Variants in SVEP1 observed in about 807,000 individuals in gnomAD.
The protein encoded by SVEP1 is sushi, von Willebrand factor type A, EGF and pentraxin domain-containing protein 1.
SVEP1 carries 164 observed loss-of-function variants against 367.3 expected under a neutral mutation model. That is an observed-to-expected ratio of 0.45 (90% CI 0.39 to 0.51). The LOEUF (loss-of-function observed/expected upper bound fraction) is 0.51. Among genes scored for constraint, SVEP1 ranks in the 20% least tolerant of loss-of-function variants. The pLI is 0.00. For synonymous variants in SVEP1, 1,666 were observed against 1,611.6 expected, an observed-to-expected ratio of 1.03 and a Z score of -0.81; for missense variants, 4,117 against 4,425.3, an observed-to-expected ratio of 0.93 and a Z score of 1.98.
chr9:110,468,529 T>C lies in SVEP1; in HGVS notation c.3160+411A>G, dbSNP rs186388799. ...AGAAATAATTCTTGGACCTTCCCCTTTGAAGCAGACTGTAAAACCCTCATG... is the reference window on the plus strand; with the variant it reads ...AGAAATAATTCTTGGACCTTCCCCTCTGAAGCAGACTGTAAAACCCTCATG... On this transcript the variant is annotated intron_variant, in intron 17 of 47. Coordinates refer to ENST00000374469, the MANE Select transcript of SVEP1 (RefSeq NM_153366.4). Among the ~76,000 whole-genome samples, 510 of 152,324 alleles carry C rather than the reference T, an allele frequency of 3.3e-3. 6 individuals are homozygous for C. Among genetic ancestry groups the C allele is most frequent in the Middle Eastern group, 0.014 (4 of 294 alleles).
intron 43 of SVEP1, among the ~76,000 whole-genome samples, chr9:110,381,926 C>A (rs1412603849): frequency 1.3e-5 from 2 of 152,130 alleles, no homozygotes; most frequent in Admixed American, 6.5e-5. Context: ...GAATTGAACC[C>A]TTTACCATTA....
intron 1 of SVEP1, 145 bp downstream of exon 1, chr9:110,578,868 T>C (rs1235112790): frequency 2.3e-6 from 2 of 870,954 alleles, no homozygotes; most frequent in Non-Finnish European, 1.7e-6. Flanking sequence ...CGGGTAGCGA[T>C]GACTCTGGTT....
At position 110,404,505 on chromosome 9, in the gene SVEP1, C is replaced by T; in HGVS notation, c.9488G>A (p.Cys3163Tyr). The T allele has an allele frequency of 6.2e-7, 1 of 1,613,968 alleles. No individual in the cohort carries two copies. Among genetic ancestry groups the T allele is most frequent in the Non-Finnish European group, 8.5e-7 (1 of 1,179,892 alleles). The change falls in exon 39 of 48, where the codon TGT (cysteine) becomes TAT (tyrosine). Residue 3163 changes from cysteine to tyrosine, a missense_variant. By Grantham distance (194) the Cys-to-Tyr change is radical (BLOSUM62 -2). Transcript: ENST00000374469. ...TMDTDTDTFTCQKDGRWFPER... is the reference protein window; with the variant it reads ...TMDTDTDTFTYQKDGRWFPER... Reference sequence around the variant, plus strand: ...AGGGAACCAGCGACCATCTTTCTGACAGGTGAATGTATCTGTATCTGTATC... The same window carrying T: ...AGGGAACCAGCGACCATCTTTCTGATAGGTGAATGTATCTGTATCTGTATC...
chr9:110,483,477 C>G, intron 10 of SVEP1, 109 bp downstream of exon 10: 1 of 593,906 alleles, frequency 1.7e-6, no homozygotes, highest in Non-Finnish European at 2.8e-6. Context: ...TATTCATTCT[C>G]CCTAGACAGT....
rs1464663239 is a variant in SVEP1 at position 110,432,634 on chromosome 9, G to A, written c.5061C>T (p.Arg1687=). The part of the protein sequence containing the change: ...QWTQPLPHCE[R]ISCGVPPPLE... ...AAGGAGGTGGCACCCCACAGCTAAT[G>A]CCTGTAAGGTGACCAGGAAGAAGAC... Residue 1687 remains arginine, a splice_region_variant and synonymous_variant, in exon 31 of 48, where the codon CGC becomes CGT. Transcript: ENST00000374469. 6.3e-7 allele frequency: 1 copy of A among 1,597,952 alleles called. No homozygotes were observed. The highest frequency in any genetic ancestry group is 8.5e-7 in the Non-Finnish European group (1 of 1,174,794).
At chr9:110,374,377 C>T (rs1346050771) in intron 46 of SVEP1, among the ~76,000 whole-genome samples, 1 of 152,178 alleles carries the variant, frequency 6.6e-6, no homozygotes, top group Non-Finnish European at 1.5e-5. Context: ...AGGCTGGATG[C>T]AGTGGCTCAT....
chr9:110,547,449 C>T lies in SVEP1; in HGVS notation c.788-1158G>A, dbSNP rs566973276. Among the ~76,000 whole-genome samples, 119 of 152,236 alleles carry T rather than the reference C, an allele frequency of 7.8e-4. No homozygotes were observed. The Middle Eastern group carries it at 0.017, about 22-fold the overall frequency. On this transcript the variant is annotated intron_variant, in intron 2 of 47. Coordinates refer to ENST00000374469, the MANE Select transcript of SVEP1 (RefSeq NM_153366.4). The stretch of plus-strand genomic sequence containing the variant: ...AATTAGCTGGGCATGGTGGTACATG[C>T]CTGTTGTCCCAGATACTTGGAAGAC...
chr9:110,462,711 T>G (rs1050785955), intron 18 of SVEP1, among the ~76,000 whole-genome samples: 8 of 151,360 alleles, frequency 5.3e-5, no homozygotes, highest in African/African-American at 1.9e-4. Flanking sequence ...CCTCCTCTAT[T>G]GTAGACAGAG....
Position 110,446,006 on chromosome 9 carries a change from C to T in SVEP1, c.4294G>A (p.Val1432Ile). 1.9e-6 allele frequency: 3 copies of T among 1,613,462 alleles called. No homozygotes were observed. Among genetic ancestry groups the T allele is most frequent in the Non-Finnish European group, 2.5e-6 (3 of 1,179,644 alleles). ...QSTGFNLDFE[V>I]SGIYGYVMLD... is the part of the protein sequence containing the mutation. ...ATGACATATCCATAGATGCCAGAAA[C>T]TTCAAAATCCAGGTTAAAGCCTGTA... The change falls in exon 26 of 48, where the codon GTT (valine) becomes ATT (isoleucine). Residue 1432 changes from valine (V) to isoleucine (I), a missense_variant. By Grantham distance (29) the Val-to-Ile change is conservative. Coordinates refer to ENST00000374469, the MANE Select transcript of SVEP1 (RefSeq NM_153366.4).
intron 41 of SVEP1, 42 bp downstream of exon 41, chr9:110,389,482 C>T: frequency 1.2e-6 from 2 of 1,603,466 alleles, no homozygotes; most frequent in Non-Finnish European, 1.7e-6. Context: ...ATTTTGTGTC[C>T]TCAGTGTCAT....
chr9:110,578,598 A>C (rs1830653365), intron 1 of SVEP1, among the ~76,000 whole-genome samples: 1 of 152,206 alleles, frequency 6.6e-6, no homozygotes, highest in Non-Finnish European at 1.5e-5. Flanking sequence ...CACGAATCTT[A>C]CATTGAAAGC....
chr9:110,410,198 T>C (rs564637723), intron 37 of SVEP1, among the ~76,000 whole-genome samples: 1 of 152,328 alleles, frequency 6.6e-6, no homozygotes, highest in Non-Finnish European at 1.5e-5. Context: ...GTACTGTGTA[T>C]ATATGTGGGT....
In SVEP1 at chr9:110,496,797, T is replaced by A. The variant is rs1234508731; in HGVS notation, c.1800+18A>T. ...AGAATTCATTTGAAAAGGATGCACA[T>A]AATTGCACAAACCTTACCTTTTCAC... On this transcript the variant is annotated intron_variant, in intron 8 of 47. Coordinates refer to ENST00000374469, the MANE Select transcript of SVEP1 (RefSeq NM_153366.4). 5.3e-6 allele frequency: 8 copies of A among 1,523,774 alleles called. No homozygotes were observed. The highest frequency in any genetic ancestry group is 1.4e-5 in the African/African-American group (1 of 72,400). 94.4% of individuals were successfully genotyped at this position (1,523,774 alleles called of 1,614,324 possible).
chr9:110,406,895 G>T lies in SVEP1; in HGVS notation c.8705C>A (p.Thr2902Lys). 1 of 1,613,902 alleles carries T rather than the reference G, an allele frequency of 6.2e-7. No homozygotes were observed. Among genetic ancestry groups the T allele is most frequent in the East Asian group, 2.2e-5 (1 of 44,876 alleles). ...ATPPQLANGV[T>K]EGLDYGFMKE... ...CATGAAGCCATAGTCCAGGCCTTCC[G>T]TCACCCCATTGGCCAGTTGTGGCGG... The change falls in exon 38 of 48, where the codon ACG becomes AAG. Residue 2902 changes from threonine (T) to lysine (K), a missense_variant. Thr to Lys is a moderately conservative substitution (Grantham distance 78). Transcript: ENST00000374469.
At chr9:110,405,233 A>G (rs1282483336) in intron 38 of SVEP1, among the ~76,000 whole-genome samples, 1 of 150,284 alleles carries the variant, frequency 6.7e-6, no homozygotes, top group Non-Finnish European at 1.5e-5. Context: ...AGATACTAGT[A>G]GGAATACAGC....
intron 9 of SVEP1, among the ~76,000 whole-genome samples, chr9:110,488,143 G>A (rs1204058149): frequency 6.6e-6 from 1 of 152,174 alleles, no homozygotes; most frequent in Non-Finnish European, 1.5e-5. Context: ...TGAGAGGGCA[G>A]GGAGTCAAGC....
In SVEP1 at chr9:110,407,397, T is replaced by A. The variant is rs758011015; in HGVS notation, c.8203A>T (p.Met2735Leu). 1 of 1,614,004 alleles carries A rather than the reference T, an allele frequency of 6.2e-7. No individual in the cohort carries two copies. The highest frequency in any genetic ancestry group is 1.7e-5 in the Admixed American group (1 of 60,022). Reference protein sequence around the residue: ...NGFLRFTETSMGSAVQYSCKP... With the variant: ...NGFLRFTETSLGSAVQYSCKP... ...CAGCTATACTGCACAGCACTTCCCA[T>A]GCTAGTCTCTGTAAAACGCAAAAAG... The change falls in exon 38 of 48, where the codon ATG becomes TTG. Residue 2735 changes from methionine (M) to leucine (L), a missense_variant. Physicochemically the swap from Met to Leu is conservative, Grantham distance 15 (BLOSUM62 2). This residue lies in a region of SVEP1 where 1,765 missense variants were observed against 1,781.1 expected (regional missense o/e 0.99). Transcript: ENST00000374469.
chr9:110,489,613 C>A, intron 9 of SVEP1, 37 bp downstream of exon 9: 3 of 1,578,392 alleles, frequency 1.9e-6, no homozygotes, highest in Middle Eastern at 1.7e-4. Flanking sequence ...TTCAAGATGA[C>A]GTTTGGATGG....
At chr9:110,472,460 G>T in intron 14 of SVEP1, 137 bp from the exon 15 acceptor site, 1 of 728,032 alleles carries the variant, frequency 1.4e-6, no homozygotes. Context: ...TACAGGGTTT[G>T]GTCTACAATG....
Sources: gnomAD v4.1 joint callset for allele counts (sites outside exome capture counted in the v4.1 genomes callset) on GRCh38, gnomAD v4.1.1 for gene constraint, gnomAD v4.1.1 regional missense constraint, MANE v1.5 for transcripts, NCBI Gene and HGNC (gene_info 2026-07-23, HGNC 2026-07-21) for gene names.